SPOCK1: variants seen among roughly 807,000 people sequenced by gnomAD.
SPOCK1 encodes the protein SPARC (osteonectin), cwcv and kazal like domains proteoglycan 1, also known as testican-1.
SPOCK1 carries 23 observed loss-of-function variants against 55.3 expected under a neutral mutation model. That is an observed-to-expected ratio of 0.42 (90% CI 0.30 to 0.59). The LOEUF is 0.59. Ranked by LOEUF, SPOCK1 falls within the 20% of genes least tolerant of loss-of-function variation. The pLI is 0.22. For synonymous variants in SPOCK1, 226 were observed against 221.0 expected (o/e 1.02, Z -0.20); for missense variants, 499 against 552.5 (o/e 0.90, Z 0.97).
At chr5:137,330,143 G>A (rs1758144130) in intron 2 of SPOCK1, among the ~76,000 whole-genome samples, 1 of 152,078 alleles carries the variant, frequency 6.6e-6, no homozygotes, top group Admixed American at 6.6e-5. Context: ...ATGACCTATG[G>A]GCCCAATTCA....
intron 3 of SPOCK1, among the ~76,000 whole-genome samples, chr5:137,157,433 T>C (rs1216333564): frequency 6.6e-6 from 1 of 152,214 alleles, no homozygotes; most frequent in Non-Finnish European, 1.5e-5. Context: ...CTGGAGAATT[T>C]TCCCCCTCCT....
chr5:137,138,812 C>T (rs1354769211), intron 4 of SPOCK1, among the ~76,000 whole-genome samples: 1 of 151,824 alleles, frequency 6.6e-6, no homozygotes, highest in Admixed American at 6.6e-5. Flanking sequence ...AGCCTTAGTG[C>T]CTAAGGCCTC....
At chr5:137,435,882 C>T (rs1441382260) in intron 2 of SPOCK1, among the ~76,000 whole-genome samples, 4 of 151,808 alleles carry the variant, frequency 2.6e-5, no homozygotes, top group African/African-American at 7.3e-5. Context: ...TAGCTGGGCG[C>T]GGTGGCTCAC....
Position 137,034,660 on chromosome 5 carries a change from T to C in SPOCK1, c.589+33055A>G, listed in dbSNP as rs555254024. Among the ~76,000 whole-genome samples, 3 of 152,324 alleles carry C rather than the reference T, an allele frequency of 2.0e-5. No individual in the cohort carries two copies. The South Asian group carries it at 6.2e-4, about 32-fold the overall frequency. On this transcript the variant is annotated intron_variant, in intron 6 of 10. Transcript: ENST00000394945. ...GAGAGGTTAAATGATTTGTCCATCC[T>C]GAGGCTAGGAGGTAGCAGAACTAGG...
intron 2 of SPOCK1, among the ~76,000 whole-genome samples, chr5:137,442,246 C>T (rs1410631720): frequency 2.0e-5 from 3 of 152,098 alleles, no homozygotes; most frequent in African/African-American, 2.4e-5. Context: ...CTAGCCCTTA[C>T]GAGTCTTCAA....
rs115965068 is a variant in SPOCK1 at position 137,265,358 on chromosome 5, G to C, written c.232+1652C>G. On this transcript the variant is annotated intron_variant, in intron 3 of 10. Transcript: ENST00000394945. ...GCAACATTTGATCCTTATAGCACAA[G>C]AACCTATTTCTAGTTCTTAGCTAAA... 6.0e-3 allele frequency among the ~76,000 whole-genome samples: 919 copies of C among 152,238 alleles called. 4 individuals are homozygous for C. The highest frequency in any genetic ancestry group is 0.022 in the African/African-American group (904 of 41,540).
At chr5:137,177,398 G>A (rs1400402829) in intron 3 of SPOCK1, among the ~76,000 whole-genome samples, 2 of 152,134 alleles carry the variant, frequency 1.3e-5, no homozygotes, top group Admixed American at 6.5e-5. Flanking sequence ...CCTTCACTTA[G>A]AAAACAGCCC....
intron 2 of SPOCK1, among the ~76,000 whole-genome samples, chr5:137,465,127 C>A (rs971613667): frequency 6.6e-6 from 1 of 152,152 alleles, no homozygotes; most frequent in Non-Finnish European, 1.5e-5. Context: ...CAAGCACCCA[C>A]GGCCATCAAT....
intron 2 of SPOCK1, among the ~76,000 whole-genome samples, chr5:137,418,950 T>C (rs991121674): frequency 1.3e-5 from 2 of 152,216 alleles, no homozygotes; most frequent in African/African-American, 4.8e-5. Context: ...CATTTAAGTC[T>C]TTAATCCATC....
At chr5:137,227,150 A>G (rs931044379) in intron 3 of SPOCK1, among the ~76,000 whole-genome samples, 6 of 152,216 alleles carry the variant, frequency 3.9e-5, no homozygotes, top group African/African-American at 1.4e-4. Context: ...ACCCTACTCC[A>G]GGACCTTTCT....
intron 2 of SPOCK1, among the ~76,000 whole-genome samples, chr5:137,480,794 A>G (rs1328282519): frequency 6.6e-6 from 1 of 152,194 alleles, no homozygotes; most frequent in Non-Finnish European, 1.5e-5. Flanking sequence ...GTATTTAACC[A>G]GGAGAGGCAA....
chr5:137,302,833 TCA>T (rs1309917059), intron 2 of SPOCK1, among the ~76,000 whole-genome samples: 2 of 152,170 alleles, frequency 1.3e-5, no homozygotes, highest in Admixed American at 1.3e-4. Context: ...CACTGCTGTC[TCA>T]GTCTTTGGGG....
chr5:137,180,203 A>T (rs780220513), intron 3 of SPOCK1, among the ~76,000 whole-genome samples: 14 of 152,216 alleles, frequency 9.2e-5, no homozygotes, highest in Admixed American at 2.0e-4. Flanking sequence ...GGCCAGGAGC[A>T]CCAGGCACAC....
chr5:137,381,307 G>A (rs1486997110), intron 2 of SPOCK1, among the ~76,000 whole-genome samples: 3 of 152,186 alleles, frequency 2.0e-5, no homozygotes, highest in Non-Finnish European at 4.4e-5. Context: ...CAAAGTGCAA[G>A]CTGTTCATGA....
At chr5:137,355,038 G>C (rs1750761632) in intron 2 of SPOCK1, among the ~76,000 whole-genome samples, 2 of 152,064 alleles carry the variant, frequency 1.3e-5, no homozygotes, top group South Asian at 4.2e-4. Context: ...GAGTAGACGG[G>C]ACTACAGGCA....
In SPOCK1 at chr5:136,982,801, C is replaced by T. The variant is rs116187636; in HGVS notation, c.991+2339G>A. 7.5e-3 allele frequency among the ~76,000 whole-genome samples: 1,134 copies of T among 152,158 alleles called. 14 individuals are homozygous for T. Among genetic ancestry groups the T allele is most frequent in the African/African-American group, 0.025 (1,050 of 41,506 alleles). The stretch of plus-strand genomic sequence containing the variant: ...GATCATTTGTTTGGTAGAATAAATC[C>T]TTTAGTGATATTTAAGTGAGTCTGG... On this transcript the variant is annotated intron_variant, in intron 9 of 10. Transcript: ENST00000394945.
At chr5:137,052,486 G>C (rs1370086475) in intron 6 of SPOCK1, among the ~76,000 whole-genome samples, 1 of 152,122 alleles carries the variant, frequency 6.6e-6, no homozygotes, top group South Asian at 2.1e-4. Flanking sequence ...TGTAACAGAA[G>C]ACTTACAGTA....
chr5:137,172,873 G>A (rs879082593), intron 3 of SPOCK1, among the ~76,000 whole-genome samples: 1 of 152,144 alleles, frequency 6.6e-6, no homozygotes, highest in East Asian at 1.9e-4. Context: ...CCTAAAGGCT[G>A]TCTGCAAAGA....
chr5:137,416,047 C>T (rs1752320273), intron 2 of SPOCK1, among the ~76,000 whole-genome samples: 1 of 151,832 alleles, frequency 6.6e-6, no homozygotes, highest in African/African-American at 2.4e-5. Context: ...AGTCATAAAA[C>T]CTTAAAATCA....
Sources: allele counts gnomAD v4.1 joint callset (sites outside exome capture counted in the v4.1 genomes callset), GRCh38; gene constraint gnomAD v4.1.1; transcripts MANE v1.5; gene names NCBI Gene and HGNC (gene_info 2026-07-23, HGNC 2026-07-21).